Variants in SUPT3H observed in about 807,000 individuals in gnomAD.
SUPT3H encodes the protein SPT3 homolog, SAGA and STAGA complex component.
In SUPT3H, 44 loss-of-function variants were observed where a neutral mutation model predicts 44.3. The observed-to-expected ratio is 0.99, with a 90% confidence interval of 0.78 to 1.28. The LOEUF is 1.28. SUPT3H is among the 50% of genes most tolerant of loss of function. SUPT3H has a pLI of 0.00. For synonymous variants in SUPT3H, 124 were observed against 125.6 expected (o/e 0.99, Z 0.09); for missense variants, 380 against 387.1 (o/e 0.98, Z 0.15).
In SUPT3H at chr6:45,101,269, T is replaced by C. The variant is rs142325867; in HGVS notation, c.186+4653A>G. On this transcript the variant is annotated intron_variant, in intron 3 of 10. Coordinates refer to ENST00000371459, the MANE Select transcript of SUPT3H (RefSeq NM_003599.4). ...GGAGAAATCCCATCTTTACTAAAAA[T>C]ACAAAATTAGCTGGTCATGGTGGCG... 4.1e-3 allele frequency among the ~76,000 whole-genome samples: 622 copies of C among 152,142 alleles called. 4 individuals carry two copies. The highest frequency in any genetic ancestry group is 5.0e-3 in the Non-Finnish European group (337 of 67,992).
At chr6:44,837,820 G>A (rs1407383397) in intron 10 of SUPT3H, among the ~76,000 whole-genome samples, 4 of 152,144 alleles carry the variant, frequency 2.6e-5, no homozygotes, top group African/African-American at 9.7e-5. Flanking sequence ...TAAGTTTGTA[G>A]TAGATAATAT....
intron 2 of SUPT3H, among the ~76,000 whole-genome samples, chr6:45,250,327 T>C (rs1276014535): frequency 2.6e-5 from 4 of 151,344 alleles, no homozygotes; most frequent in South Asian, 2.1e-4. Context: ...AGGCTTTTCT[T>C]TCAATGAAAA....
intron 2 of SUPT3H, among the ~76,000 whole-genome samples, chr6:45,309,643 G>A (rs1476155943): frequency 6.6e-6 from 1 of 151,814 alleles, no homozygotes; most frequent in African/African-American, 2.4e-5. Context: ...TATAGGCAGG[G>A]AAAAAAATCT....
At chr6:45,016,439 G>A (rs531024411) in intron 4 of SUPT3H, among the ~76,000 whole-genome samples, 8 of 150,810 alleles carry the variant, frequency 5.3e-5, no homozygotes, top group African/African-American at 1.7e-4. Flanking sequence ...CTGGTGTGCT[G>A]CACCCATTAA....
chr6:45,254,565 G>A (rs1210273344), intron 2 of SUPT3H, among the ~76,000 whole-genome samples: 1 of 152,164 alleles, frequency 6.6e-6, no homozygotes, highest in African/African-American at 2.4e-5. Flanking sequence ...TTATTGTTCT[G>A]ATAAGGAATA....
At chr6:45,039,580 G>T (rs1788196483) in intron 3 of SUPT3H, among the ~76,000 whole-genome samples, 1 of 152,060 alleles carries the variant, frequency 6.6e-6, no homozygotes, top group African/African-American at 2.4e-5. Flanking sequence ...AAGAGTTCGA[G>T]ACCAGCCAGG....
chr6:45,104,543 T>C (rs904007434), intron 3 of SUPT3H, among the ~76,000 whole-genome samples: 1 of 152,094 alleles, frequency 6.6e-6, no homozygotes, highest in Non-Finnish European at 1.5e-5. Flanking sequence ...GTTATTATTG[T>C]TCAGCAGTTT....
chr6:45,231,140 C>T lies in SUPT3H; in HGVS notation c.102-125134G>A, dbSNP rs1767973308. Among the ~76,000 whole-genome samples, 3 of 152,088 alleles carry T rather than the reference C, an allele frequency of 2.0e-5. No homozygotes were observed. The South Asian group carries it at 6.2e-4, about 32-fold the overall frequency. On this transcript the variant is annotated intron_variant, in intron 2 of 10. Coordinates refer to ENST00000371459, the MANE Select transcript of SUPT3H (RefSeq NM_003599.4). ...AGTTTGCTGATTTTCTGTGGTGATACCATTTGAGTCTTTTTTTCTTCCTCA... is the reference window on the plus strand; with the variant it reads ...AGTTTGCTGATTTTCTGTGGTGATATCATTTGAGTCTTTTTTTCTTCCTCA...
intron 3 of SUPT3H, among the ~76,000 whole-genome samples, chr6:45,094,497 C>A (rs549653667): frequency 2.0e-5 from 3 of 152,110 alleles, no homozygotes; most frequent in African/African-American, 7.2e-5. Flanking sequence ...GTAGGATATA[C>A]TACAGCAGGA....
chr6:45,238,098 CAG>C (rs1470528089), intron 2 of SUPT3H, among the ~76,000 whole-genome samples: 2 of 152,080 alleles, frequency 1.3e-5, no homozygotes, highest in African/African-American at 4.8e-5. Flanking sequence ...AACAATTTGC[CAG>C]ACTTATGTAG....
chr6:45,235,926 T>C (rs1769019294), intron 2 of SUPT3H, among the ~76,000 whole-genome samples: 1 of 152,148 alleles, frequency 6.6e-6, no homozygotes, highest in Non-Finnish European at 1.5e-5. Flanking sequence ...AAACCACAAA[T>C]AATGGCATGA....
chr6:44,920,958 A>G (rs1768614398), intron 10 of SUPT3H, among the ~76,000 whole-genome samples: 2 of 152,142 alleles, frequency 1.3e-5, no homozygotes, highest in Admixed American at 1.3e-4. Context: ...AAACACCCTA[A>G]AAGTTTTCCT....
chr6:45,275,266 G>A (rs1207664663), intron 2 of SUPT3H, among the ~76,000 whole-genome samples: 1 of 151,944 alleles, frequency 6.6e-6, no homozygotes, highest in East Asian at 1.9e-4. Flanking sequence ...CTATTTCTTG[G>A]TCTGCTTACT....
chr6:45,067,552 A>G (rs964594732), intron 3 of SUPT3H, among the ~76,000 whole-genome samples: 207 of 151,756 alleles, frequency 1.4e-3, no homozygotes, highest in African/African-American at 4.6e-3. Flanking sequence ...GAAAATTTTC[A>G]CAACCTACTC....
chr6:45,029,367 T>A (rs1786564294), intron 3 of SUPT3H, among the ~76,000 whole-genome samples: 1 of 147,516 alleles, frequency 6.8e-6, no homozygotes. Flanking sequence ...ATATACATAT[T>A]CTTTAAAATA....
intron 10 of SUPT3H, among the ~76,000 whole-genome samples, chr6:44,888,886 T>A: frequency 7.3e-6 from 1 of 136,618 alleles, no homozygotes; most frequent in Non-Finnish European, 1.6e-5. Context: ...CAGCCCAAAA[T>A]CTCCTTAAGC....
chr6:44,824,615 A>G (rs775261129), downstream of SUPT3H, among the ~76,000 whole-genome samples: 24 of 152,096 alleles, frequency 1.6e-4, no homozygotes, highest in Non-Finnish European at 2.9e-4. Context: ...TGAATTAAAG[A>G]AGCTGCTGAC....
At chr6:45,011,802 G>A (rs1179797556) in intron 5 of SUPT3H, among the ~76,000 whole-genome samples, 1 of 151,828 alleles carries the variant, frequency 6.6e-6, no homozygotes, top group Non-Finnish European at 1.5e-5. Context: ...TTATAAATGT[G>A]TGGATTCAAA....
chr6:45,180,597 G>A (rs1228037734), intron 2 of SUPT3H, among the ~76,000 whole-genome samples: 28 of 151,600 alleles, frequency 1.8e-4, no homozygotes, highest in Non-Finnish European at 3.5e-4. Flanking sequence ...TGACAAACCT[G>A]AGAAAAACAA....
Sources: gnomAD v4.1 joint callset for allele counts (sites outside exome capture counted in the v4.1 genomes callset) on GRCh38, gnomAD v4.1.1 for gene constraint, MANE v1.5 for transcripts, NCBI Gene and HGNC (gene_info 2026-07-23, HGNC 2026-07-21) for gene names.